The following CACNA1C variants were observed in gnomAD, a reference collection of about 807,000 sequenced individuals.
CACNA1C encodes voltage-dependent L-type calcium channel subunit alpha-1C.
Under a neutral mutation model 229.0 loss-of-function variants are expected in CACNA1C, and 30 were observed. The observed-to-expected ratio is 0.13, with a 90% CI of 0.10 to 0.18. The LOEUF (loss-of-function observed/expected upper bound fraction) is 0.18, where lower values mean the gene tolerates loss of function less well. Ranked by LOEUF, CACNA1C falls within the 10% of genes least tolerant of loss-of-function variation. CACNA1C has a pLI of 1.00. For missense variants in CACNA1C, 1,658 were observed against 2,845.0 expected, an observed-to-expected ratio of 0.58 and a Z score of 9.49; for synonymous variants, 1,114 against 1,132.5, an observed-to-expected ratio of 0.98 and a Z score of 0.33.
At chr12:2,417,161 T>A (rs1037898059) in intron 3 of CACNA1C, among the ~76,000 whole-genome samples, 1 of 152,226 alleles carries the variant, frequency 6.6e-6, no homozygotes, top group African/African-American at 2.4e-5. Context: ...CATGTCATGC[T>A]GATGTAGAAG....
intron 18 of CACNA1C, among the ~76,000 whole-genome samples, 163 bp from the exon 19 acceptor site, chr12:2,593,050 A>T (rs1450376664): frequency 1.3e-5 from 2 of 152,212 alleles, no homozygotes; most frequent in Non-Finnish European, 2.9e-5. Context: ...TCCAGCAGAG[A>T]TGAGCTGCAG....
Position 2,402,728 on chromosome 12 carries a change from C to T in CACNA1C, c.478-46248C>T, listed in dbSNP as rs116136190. 8.9e-3 allele frequency among the ~76,000 whole-genome samples: 1,353 copies of T among 152,286 alleles called. 28 individuals are homozygous for T. The highest frequency in any genetic ancestry group is 0.03 in the African/African-American group (1,233 of 41,548). On this transcript the variant is annotated intron_variant, in intron 3 of 46. Transcript: ENST00000399655. The stretch of plus-strand genomic sequence containing the variant: ...GCATCGCCATTCAGCTTTCATCCTC[C>T]GAACCAGACTTGTAGGCCCCCAGTG...
At chr12:2,082,134 G>A (rs1276818064) in intron 1 of CACNA1C, among the ~76,000 whole-genome samples, 1 of 152,154 alleles carries the variant, frequency 6.6e-6, no homozygotes, top group Non-Finnish European at 1.5e-5. Context: ...CCAAGCTGAG[G>A]TTAAACTATA....
In CACNA1C at chr12:2,689,535, A is replaced by G. The variant is rs2097702347; in HGVS notation, c.6117+756A>G. 6.6e-6 allele frequency among the ~76,000 whole-genome samples: 1 copy of G among 152,070 alleles called. No homozygotes were observed. The highest frequency in any genetic ancestry group is 1.5e-5 in the Non-Finnish European group (1 of 68,002). On this transcript the variant is annotated intron_variant, in intron 46 of 46. Coordinates refer to ENST00000399655, the MANE Select transcript of CACNA1C (RefSeq NM_000719.7). The surrounding 1 kb of genome is among the most constrained non-coding windows in gnomAD (Gnocchi z 4.2). Reference sequence around the variant, plus strand: ...AGCTCACATGGGGAAGACCTTCCCAAATGAGCTCTTCCAAGATGAGAGGGG... The same window carrying G: ...AGCTCACATGGGGAAGACCTTCCCAGATGAGCTCTTCCAAGATGAGAGGGG...
chr12:2,531,404 T>G (rs535958451), intron 9 of CACNA1C, among the ~76,000 whole-genome samples: 1 of 152,184 alleles, frequency 6.6e-6, no homozygotes, highest in Non-Finnish European at 1.5e-5. Context: ...CCCTGTAACC[T>G]AAACAACCCT....
intron 9 of CACNA1C, among the ~76,000 whole-genome samples, chr12:2,541,933 A>G (rs1428276411): frequency 6.6e-6 from 1 of 152,070 alleles, no homozygotes; most frequent in Non-Finnish European, 1.5e-5. Flanking sequence ...CATGACGCAT[A>G]AAAAGCTCCG....
intron 1 of CACNA1C, among the ~76,000 whole-genome samples, chr12:2,017,433 A>G (rs949477194): frequency 7.9e-5 from 12 of 152,234 alleles, no homozygotes; most frequent in African/African-American, 2.9e-4. Flanking sequence ...TCAGAATGAT[A>G]CAAGATAACT....
At chr12:2,681,595 C>T (rs113418864) in intron 42 of CACNA1C, among the ~76,000 whole-genome samples, 10,693 of 152,194 alleles carry the variant, frequency 0.07, 1,067 homozygotes, top group African/African-American at 0.22. Flanking sequence ...CTCCTCCCTC[C>T]GTGCTTCACC....
Position 2,132,104 on chromosome 12 carries a change from TTGTC to T in CACNA1C, c.477+11678_477+11681del, listed in dbSNP as rs1467226764. ...GTTCACTTATGATTTGGCTCTCTGTTTGTCTGTTGTTGGTGTATAAGAATGCTTG... is the reference window on the plus strand; with the variant it reads ...GTTCACTTATGATTTGGCTCTCTGTTTGTTGTTGGTGTATAAGAATGCTTG... On this transcript the variant is annotated intron_variant, in intron 3 of 46. Transcript: ENST00000399655. Among the ~76,000 whole-genome samples, 27 of 139,770 alleles carry T rather than the reference TTGTC, an allele frequency of 1.9e-4. 2 individuals carry two copies. The highest frequency in any genetic ancestry group is 3.1e-4 in the Non-Finnish European group (20 of 64,636). The allele number at this position is 139,770 out of a possible 152,430, so 91.7% of individuals were successfully genotyped here. A position where few individuals can be genotyped will look rare whatever the true frequency, so the allele number is the denominator to read the frequency against.
chr12:2,648,550 C>T, intron 31 of CACNA1C, 43 bp downstream of exon 31: 9 of 1,582,570 alleles, frequency 5.7e-6, no homozygotes, highest in Non-Finnish European at 7.8e-6. Context: ...TTCCGTGTCC[C>T]CCTCTAACAC....
chr12:2,119,156 C>T lies in CACNA1C; in HGVS notation c.372-1169C>T, dbSNP rs547916759. On this transcript the variant is annotated intron_variant, in intron 2 of 46. Coordinates refer to ENST00000399655, the MANE Select transcript of CACNA1C (RefSeq NM_000719.7). ...GCTGTGGGGCCTTGGGAAAGTTCCT[C>T]AGGCTCTCTGGGCCTCAGAGGGTTA... 2.3e-3 allele frequency among the ~76,000 whole-genome samples: 352 copies of T among 152,342 alleles called. 2 individuals carry two copies. Among genetic ancestry groups the T allele is most frequent in the Non-Finnish European group, 3.6e-3 (245 of 68,024 alleles).
Position 2,651,520 on chromosome 12 carries a change from A to G in CACNA1C, c.3946-120A>G, listed in dbSNP as rs1394423697. ...CCCATCGGAGGGGGAAGTCTAGTGCAGCAAACCCTGGCCTGCCTTCCGCCA... is the reference window on the plus strand; with the variant it reads ...CCCATCGGAGGGGGAAGTCTAGTGCGGCAAACCCTGGCCTGCCTTCCGCCA... On this transcript the variant is annotated intron_variant, in intron 31 of 46. Transcript: ENST00000399655. The surrounding 1 kb of genome is among the most constrained non-coding windows in gnomAD (Gnocchi z 5.4). 2.0e-6 allele frequency: 3 copies of G among 1,490,100 alleles called. No homozygotes were observed. Among genetic ancestry groups the G allele is most frequent in the Non-Finnish European group, 2.8e-6 (3 of 1,074,008 alleles). 92.3% of individuals were successfully genotyped at this position (1,490,100 alleles called of 1,614,324 possible). A position where few individuals can be genotyped will look rare whatever the true frequency, so the allele number is the denominator to read the frequency against.
At chr12:2,356,847 A>G (rs2097378968) in intron 3 of CACNA1C, among the ~76,000 whole-genome samples, 2 of 152,164 alleles carry the variant, frequency 1.3e-5, no homozygotes, top group African/African-American at 4.8e-5. Context: ...CATTCCACAG[A>G]TGAGGCCGCT....
intron 3 of CACNA1C, among the ~76,000 whole-genome samples, chr12:2,355,770 A>G (rs1196177210): frequency 6.6e-6 from 1 of 152,100 alleles, no homozygotes; most frequent in Non-Finnish European, 1.5e-5. Flanking sequence ...CTGAAAGGGG[A>G]GCTACTGGCA....
chr12:2,537,855 C>T (rs963873296), intron 9 of CACNA1C, among the ~76,000 whole-genome samples: 1 of 151,514 alleles, frequency 6.6e-6, no homozygotes, highest in Non-Finnish European at 1.5e-5. Flanking sequence ...AGGGTCTGAG[C>T]ATGTCCCAGG....
intron 1 of CACNA1C, among the ~76,000 whole-genome samples, chr12:2,078,962 A>AGTTC (rs1427813710): frequency 6.6e-6 from 1 of 152,106 alleles, no homozygotes; most frequent in Non-Finnish European, 1.5e-5. Context: ...AAAAATGATG[A>AGTTC]GTTCATGTCC....
chr12:2,211,010 A>G (rs1341304284), intron 3 of CACNA1C, among the ~76,000 whole-genome samples: 2 of 152,210 alleles, frequency 1.3e-5, no homozygotes, highest in East Asian at 3.8e-4. Flanking sequence ...GATGCATTTT[A>G]GCAGAAAGGA....
intron 1 of CACNA1C, among the ~76,000 whole-genome samples, chr12:2,009,099 A>T (rs1039235613): frequency 1.1e-4 from 17 of 152,204 alleles, no homozygotes; most frequent in Non-Finnish European, 2.1e-4. Context: ...GTGTTTCCAT[A>T]AGCCTCATGA....
chr12:2,186,967 A>G (rs78778901), intron 3 of CACNA1C, among the ~76,000 whole-genome samples: 1 of 151,604 alleles, frequency 6.6e-6, no homozygotes, highest in African/African-American at 2.4e-5. Context: ...CCCTTTCCCC[A>G]CAAACTGGCT....
Sources: allele counts gnomAD v4.1 joint callset (sites outside exome capture counted in the v4.1 genomes callset), GRCh38; gene constraint gnomAD v4.1.1; non-coding constraint Gnocchi (gnomAD v3.1); transcripts MANE v1.5; gene names NCBI Gene and HGNC (gene_info 2026-07-23, HGNC 2026-07-21).